The following FAM184B variants were observed in gnomAD, a reference collection of about 807,000 sequenced individuals.
FAM184B encodes protein FAM184B.
In FAM184B, 111 loss-of-function variants were observed where a neutral mutation model predicts 135.9. The ratio of observed to expected loss-of-function variants is 0.82; its 90% CI spans 0.70 to 0.96. The LOEUF (loss-of-function observed/expected upper bound fraction) is 0.96. FAM184B is among the 40% of genes least tolerant of loss of function. The pLI, the probability that FAM184B is intolerant of heterozygous loss-of-function variation, is 0.00. For synonymous variants in FAM184B, 552 were observed against 524.8 expected (o/e 1.05, Z -0.71); for missense variants, 1,375 against 1,323.9 (o/e 1.04, Z -0.60).
rs1714923529 is a variant in FAM184B, at chr4:17,631,113, A to G, written c.*1419T>C. 1 of 152,252 alleles carries G rather than the reference A, an allele frequency of 6.6e-6. No individual in the cohort carries two copies. The highest frequency in any genetic ancestry group is 2.4e-5 in the African/African-American group (1 of 41,468). 9.4% of individuals were successfully genotyped at this position (152,252 alleles called of 1,614,324 possible). A position where few individuals can be genotyped will look rare whatever the true frequency, so the allele number is the denominator to read the frequency against. ...AGCAAGGTCAGCACCGTGAACAGCC[A>G]TTGCGGTTCCTTTAACCCACTGGGA... On this transcript the variant is annotated 3_prime_UTR_variant, in exon 18 of 18. Transcript: ENST00000265018.
Position 17,740,351 on chromosome 4 carries a change from CAAAAAAA to C in FAM184B, c.142-30714_142-30708del, listed in dbSNP as rs55801096. Among the ~76,000 whole-genome samples the C allele has an allele frequency of 2.3e-3, 198 of 84,516 alleles. 4 individuals carry two copies. The East Asian group carries it at 0.055, about 23-fold the overall frequency. The allele number at this position is 84,516 out of a possible 152,430, so 55.4% of individuals were successfully genotyped here. A position where few individuals can be genotyped will look rare whatever the true frequency, so the allele number is the denominator to read the frequency against. On this transcript the variant is annotated intron_variant, in intron 1 of 17. Transcript: ENST00000265018. ...TGGGCGACAGAGTAAGACCCTGTCT[CAAAAAAA>C]AAAAAAAAAAAAAAAGTCTGTGGAG...
At chr4:17,704,069 C>T (rs934910336) in intron 5 of FAM184B, among the ~76,000 whole-genome samples, 1 of 152,136 alleles carries the variant, frequency 6.6e-6, no homozygotes, top group African/African-American at 2.4e-5. Flanking sequence ...TCATTTAACA[C>T]ATAATCTTGA....
chr4:17,687,454 C>T (rs1019516547), intron 7 of FAM184B, among the ~76,000 whole-genome samples: 2 of 152,270 alleles, frequency 1.3e-5, no homozygotes, highest in East Asian at 3.9e-4. Flanking sequence ...CAAATGTTCA[C>T]TGAGTGCCTA....
intron 10 of FAM184B, among the ~76,000 whole-genome samples, chr4:17,656,636 A>G (rs1347494150): frequency 6.6e-6 from 1 of 152,164 alleles, no homozygotes; most frequent in East Asian, 1.9e-4. Context: ...GCCTGGCCTC[A>G]AGTGGTCTGT....
At chr4:17,693,444 A>G (rs1264314719) in intron 5 of FAM184B, 32 bp from the exon 6 acceptor site, 1 of 1,527,716 alleles carries the variant, frequency 6.5e-7, no homozygotes, top group South Asian at 1.2e-5. Flanking sequence ...TAACCATACA[A>G]GGCACGAAAA....
In FAM184B at chr4:17,691,886, C is replaced by G. The variant is rs540488307; in HGVS notation, c.1488+1416G>C. 5.3e-5 allele frequency among the ~76,000 whole-genome samples: 8 copies of G among 151,482 alleles called. No individual in the cohort carries two copies. In the South Asian group the frequency reaches 1.0e-3, roughly 20 times the overall value. On this transcript the variant is annotated intron_variant, in intron 6 of 17. Coordinates refer to ENST00000265018, the MANE Select transcript of FAM184B (RefSeq NM_015688.2). ...TGGCCAACATGGTGAAACCCCATCT[C>G]CACCAAAAATACAAAAATTAGCCAG...
intron 1 of FAM184B, among the ~76,000 whole-genome samples, chr4:17,726,080 C>T (rs973807509): frequency 5.3e-5 from 8 of 151,756 alleles, no homozygotes; most frequent in Non-Finnish European, 7.4e-5. Flanking sequence ...CCCGCCACCA[C>T]GCCCAGCTAA....
chr4:17,755,900 C>T (rs911395084), intron 1 of FAM184B, among the ~76,000 whole-genome samples: 6 of 152,062 alleles, frequency 3.9e-5, no homozygotes, highest in African/African-American at 1.4e-4. Flanking sequence ...CACACTGGGG[C>T]CTGTTGAGGG....
intron 12 of FAM184B, among the ~76,000 whole-genome samples, chr4:17,647,087 A>G (rs1475731236): frequency 1.3e-5 from 2 of 151,900 alleles, no homozygotes; most frequent in East Asian, 3.9e-4. Context: ...CTGAGATACC[A>G]TTGCGTCTGA....
At chr4:17,670,911 G>C (rs1269062840) in intron 7 of FAM184B, among the ~76,000 whole-genome samples, 1 of 152,156 alleles carries the variant, frequency 6.6e-6, no homozygotes, top group Non-Finnish European at 1.5e-5. Flanking sequence ...GGCCTAACTG[G>C]ATGTGAGTTC....
chr4:17,636,756 G>T, intron 14 of FAM184B, 111 bp from the exon 15 acceptor site: 2 of 917,778 alleles, frequency 2.2e-6, no homozygotes, highest in Non-Finnish European at 3.2e-6. Context: ...CGGCCAGGGA[G>T]GCCCAGATAG....
intron 1 of FAM184B, among the ~76,000 whole-genome samples, chr4:17,711,161 T>C (rs13131947): frequency 0.4 from 61,170 of 151,184 alleles, 12,721 homozygotes; most frequent in South Asian, 0.45. Context: ...GAGACCAGCC[T>C]GGGCAGTGTA....
chr4:17,656,343 C>CT (rs983574542), intron 10 of FAM184B, among the ~76,000 whole-genome samples: 2 of 152,176 alleles, frequency 1.3e-5, no homozygotes, highest in Admixed American at 1.3e-4. Flanking sequence ...AAACTGACAT[C>CT]TTTTTTGAAT....
intron 14 of FAM184B, among the ~76,000 whole-genome samples, chr4:17,637,023 ATGGCCTT>A (rs1009816598): frequency 1.5e-4 from 23 of 151,864 alleles, no homozygotes; most frequent in Admixed American, 1.1e-3. Flanking sequence ...GCCGGTACCT[ATGGCCTT>A]TTTTTTCTTT....
intron 1 of FAM184B, among the ~76,000 whole-genome samples, chr4:17,750,123 G>C (rs1718261751): frequency 6.6e-6 from 1 of 152,188 alleles, no homozygotes; most frequent in Non-Finnish European, 1.5e-5. Context: ...AGTGAAATTT[G>C]AGGATGAAAG....
intron 12 of FAM184B, among the ~76,000 whole-genome samples, chr4:17,645,820 T>G (rs1194997106): frequency 6.6e-6 from 1 of 151,832 alleles, no homozygotes; most frequent in Non-Finnish European, 1.5e-5. Context: ...ATTTTTGCAA[T>G]CTACTCATCT....
rs1190378028 is a variant in FAM184B, at chr4:17,639,266, C to G, written c.2650G>C (p.Ala884Pro). 3.2e-6 allele frequency: 5 copies of G among 1,551,544 alleles called. No homozygotes were observed. Among genetic ancestry groups the G allele is most frequent in the African/African-American group, 1.4e-5 (1 of 73,052 alleles). ...SAQAQLQARLAALEAELKDSG... is the reference protein window; with the variant it reads ...SAQAQLQARLPALEAELKDSG... ...CTCACTTACTCGGCTTCCAGGGCAG[C>G]CAGCCGGGCCTGGAGCTGGGCCTGG... Residue 884 changes from alanine to proline, a missense_variant, in exon 14 of 18, where the codon GCT becomes CCT. Ala to Pro is a conservative substitution (Grantham distance 27). Transcript: ENST00000265018.
At chr4:17,747,398 C>T (rs1001183852) in intron 1 of FAM184B, among the ~76,000 whole-genome samples, 1 of 152,102 alleles carries the variant, frequency 6.6e-6, no homozygotes, top group Non-Finnish European at 1.5e-5. Flanking sequence ...CCGTTTCTGG[C>T]ACGGACGTTA....
At chr4:17,683,935 G>C (rs1716506773) in intron 7 of FAM184B, among the ~76,000 whole-genome samples, 1 of 151,582 alleles carries the variant, frequency 6.6e-6, no homozygotes, top group African/African-American at 2.4e-5. Context: ...AATTAGCTGG[G>C]CATGGTCGTG....
Sources: gnomAD v4.1 joint callset for allele counts (sites outside exome capture counted in the v4.1 genomes callset) on GRCh38, gnomAD v4.1.1 for gene constraint, MANE v1.5 for transcripts, NCBI Gene and HGNC (gene_info 2026-07-23, HGNC 2026-07-21) for gene names.